The following TTLL5 variants were observed in gnomAD, a reference collection of about 807,000 sequenced individuals.
TTLL5 encodes tubulin polyglutamylase TTLL5.
A neutral mutation model predicts 168.4 loss-of-function variants in TTLL5; 132 were observed. The observed-to-expected ratio is 0.78, with a 90% CI of 0.68 to 0.91. The LOEUF is 0.91. Among genes scored for constraint, TTLL5 ranks in the 40% least tolerant of loss-of-function variants. TTLL5 has a pLI of 0.00. For synonymous variants in TTLL5, 546 were observed against 558.6 expected, an observed-to-expected ratio of 0.98 and a Z score of 0.32; for missense variants, 1,545 against 1,581.5, an observed-to-expected ratio of 0.98 and a Z score of 0.39.
At chr14:75,802,414 C>G (rs1188798769) in intron 27 of TTLL5, among the ~76,000 whole-genome samples, 1 of 152,178 alleles carries the variant, frequency 6.6e-6, no homozygotes, top group Non-Finnish European at 1.5e-5. Flanking sequence ...TTCTACTAAG[C>G]AAGCAAAGTT....
chr14:75,849,259 C>T (rs1360050684), intron 28 of TTLL5, among the ~76,000 whole-genome samples: 1 of 152,190 alleles, frequency 6.6e-6, no homozygotes, highest in African/African-American at 2.4e-5. Context: ...AGTCTCTCCT[C>T]AAGAGCTTGT....
intron 17 of TTLL5, among the ~76,000 whole-genome samples, chr14:75,746,737 A>AC (rs1177899154): frequency 6.6e-6 from 1 of 151,616 alleles, no homozygotes; most frequent in African/African-American, 2.4e-5. Flanking sequence ...TCATTTTTGT[A>AC]TTTTTTTGTA....
chr14:75,662,449 C>G (rs1316072134), intron 1 of TTLL5, among the ~76,000 whole-genome samples: 2 of 151,200 alleles, frequency 1.3e-5, no homozygotes, highest in East Asian at 1.9e-4. Flanking sequence ...CTCAGCCTCC[C>G]GAGTAGCTGG....
chr14:75,813,503 A>G (rs1195367556), intron 27 of TTLL5, among the ~76,000 whole-genome samples: 1 of 152,120 alleles, frequency 6.6e-6, no homozygotes, highest in East Asian at 1.9e-4. Flanking sequence ...GGGTTTCACC[A>G]TGTTGCCCAG....
At chr14:75,839,568 G>T (rs1896104589) in intron 28 of TTLL5, among the ~76,000 whole-genome samples, 1 of 152,204 alleles carries the variant, frequency 6.6e-6, no homozygotes, top group Non-Finnish European at 1.5e-5. Flanking sequence ...GAGAGAATGA[G>T]TGCCAGCAGG....
intron 17 of TTLL5, among the ~76,000 whole-genome samples, chr14:75,750,142 T>C (rs1315940568): frequency 6.6e-6 from 1 of 152,122 alleles, no homozygotes. Flanking sequence ...TCTACTTTTT[T>C]CCTGCTGCAT....
At position 75,819,994 on chromosome 14, in the gene TTLL5, G is replaced by A. The variant is rs370039944; in HGVS notation, c.3172-13G>A. ...TCTGTAAAGTCAGGTTATTTCCCTCGCTTTATTTCTAGGTAACAAACCTGA... is the reference window on the plus strand; with the variant it reads ...TCTGTAAAGTCAGGTTATTTCCCTCACTTTATTTCTAGGTAACAAACCTGA... On this transcript the variant is annotated splice_polypyrimidine_tract_variant and intron_variant, in intron 27 of 31. Transcript: ENST00000298832. 38 of 1,583,036 alleles carry A rather than the reference G, an allele frequency of 2.4e-5. 1 individual carries two copies. The highest frequency in any genetic ancestry group is 1.6e-4 in the African/African-American group (12 of 72,914).
chr14:75,903,845 T>TG (rs1195964189), intron 31 of TTLL5, among the ~76,000 whole-genome samples: 2 of 151,188 alleles, frequency 1.3e-5, no homozygotes, highest in African/African-American at 4.9e-5. Flanking sequence ...CAGTGAGTTG[T>TG]GATCCTGCCA....
intron 21 of TTLL5, among the ~76,000 whole-genome samples, chr14:75,772,952 C>G (rs577505642): frequency 1.3e-5 from 2 of 152,246 alleles, no homozygotes; most frequent in African/African-American, 4.8e-5. Flanking sequence ...TAGGTATGAG[C>G]CAGCGCGCCT....
At chr14:75,936,642 T>A (rs7141880) in intron 31 of TTLL5, among the ~76,000 whole-genome samples, 125,240 of 152,146 alleles carry the variant, frequency 0.82, 51,872 homozygotes, top group African/African-American at 0.91. Flanking sequence ...TATAACTCCC[T>A]AAGAAGGACT....
At position 75,770,080 on chromosome 14, in the gene TTLL5, A is replaced by G. The variant is rs1176551536; in HGVS notation, c.2016-1654A>G. 2.1e-5 allele frequency among the ~76,000 whole-genome samples: 3 copies of G among 146,316 alleles called. No homozygotes were observed. The East Asian group carries it at 6.4e-4, about 31-fold the overall frequency. ...GTAATCTTAGCTACTTGGGAGGCTGAGGCAGGAGAATCGCTTGAACCTGGG... is the reference window on the plus strand; with the variant it reads ...GTAATCTTAGCTACTTGGGAGGCTGGGGCAGGAGAATCGCTTGAACCTGGG... On this transcript the variant is annotated intron_variant, in intron 20 of 31. Transcript: ENST00000298832.
intron 12 of TTLL5, among the ~76,000 whole-genome samples, chr14:75,722,244 C>T (rs1244073611): frequency 6.6e-6 from 1 of 152,060 alleles, no homozygotes; most frequent in Non-Finnish European, 1.5e-5. Context: ...CCTCCTCCCT[C>T]ATGCTGTTCT....
intron 27 of TTLL5, among the ~76,000 whole-genome samples, chr14:75,812,757 C>G (rs570607041): frequency 6.6e-6 from 1 of 152,240 alleles, no homozygotes; most frequent in East Asian, 1.9e-4. Context: ...CCTGTTCTCT[C>G]GTTTCCTTAG....
At chr14:75,870,502 T>C (rs1395871380) in intron 29 of TTLL5, among the ~76,000 whole-genome samples, 1 of 152,194 alleles carries the variant, frequency 6.6e-6, no homozygotes, top group African/African-American at 2.4e-5. Context: ...CTTGTACTTT[T>C]ATTAAGTAAT....
intron 31 of TTLL5, among the ~76,000 whole-genome samples, chr14:75,940,139 G>A (rs1364318815): frequency 6.8e-6 from 1 of 147,314 alleles, no homozygotes; most frequent in East Asian, 2.0e-4. Flanking sequence ...GAGTGCAGTG[G>A]CGCGATCTCA....
intron 29 of TTLL5, among the ~76,000 whole-genome samples, chr14:75,866,243 C>A (rs1007430857): frequency 1.3e-5 from 2 of 152,118 alleles, no homozygotes; most frequent in African/African-American, 4.8e-5. Context: ...TAGATCTGAC[C>A]ATTATAATTA....
In TTLL5 at chr14:75,745,303, T is replaced by G. The variant is rs1889535021; in HGVS notation, c.1395+95T>G. On this transcript the variant is annotated intron_variant, in intron 16 of 31. Transcript: ENST00000298832. ...TAATATTCATGACAAACTCATGTCTTACATTGAAAAGAGAAAGATTCAAGA... is the reference window on the plus strand; with the variant it reads ...TAATATTCATGACAAACTCATGTCTGACATTGAAAAGAGAAAGATTCAAGA... 2.3e-6 allele frequency: 3 copies of G among 1,302,918 alleles called. No individual in the cohort carries two copies. In the Admixed American group the frequency reaches 6.4e-5, roughly 28 times the overall value. The allele number at this position is 1,302,918 out of a possible 1,614,324, so 80.7% of individuals were successfully genotyped here.
chr14:75,954,628 GGAC>G lies in TTLL5; in HGVS notation c.*183_*185del, dbSNP rs2035057509. On this transcript the variant is annotated 3_prime_UTR_variant, in exon 32 of 32. Coordinates refer to ENST00000298832, the MANE Select transcript of TTLL5 (RefSeq NM_015072.5). ...AATCAGCCAATGCAGACTTTCACTG[GGAC>G]AACAAGAAAGCAGATCTTCTGGGTT... The G allele has an allele frequency of 3.2e-6, 2 of 630,018 alleles. No individual in the cohort carries two copies. The highest frequency in any genetic ancestry group is 5.4e-5 in the East Asian group (2 of 36,858). 39.0% of individuals were successfully genotyped at this position (630,018 alleles called of 1,614,324 possible). A position where few individuals can be genotyped will look rare whatever the true frequency, so the allele number is the denominator to read the frequency against.
intron 6 of TTLL5, 99 bp from the exon 7 acceptor site, chr14:75,699,088 TC>T: frequency 9.5e-7 from 1 of 1,048,038 alleles, no homozygotes; most frequent in East Asian, 2.5e-5. Context: ...ATTTTTGGGT[TC>T]CCTGAGTAGA....
Sources: allele counts gnomAD v4.1 joint callset (sites outside exome capture counted in the v4.1 genomes callset), GRCh38; gene constraint gnomAD v4.1.1; transcripts MANE v1.5; gene names NCBI Gene and HGNC (gene_info 2026-07-23, HGNC 2026-07-21).